SYTL4: variants seen among roughly 807,000 people sequenced by gnomAD.
SYTL4 encodes synaptotagmin like 4.
In SYTL4, 16 loss-of-function variants were observed where a neutral mutation model predicts 52.7. The ratio of observed to expected loss-of-function variants is 0.30; its 90% CI spans 0.21 to 0.46. The LOEUF (loss-of-function observed/expected upper bound fraction) is 0.46. Among genes scored for constraint, SYTL4 ranks in the 20% least tolerant of loss-of-function variants. SYTL4 has a pLI of 1.00. For missense variants in SYTL4, 423 were observed against 519.9 expected, an observed-to-expected ratio of 0.81 and a Z score of 1.81; for synonymous variants, 160 against 186.6, an observed-to-expected ratio of 0.86 and a Z score of 1.16.
chrX:100,691,295 T>C, intron 8 of SYTL4, 86 bp from the exon 9 acceptor site: 1 of 591,732 alleles, frequency 1.7e-6, no homozygotes, highest in Admixed American at 2.9e-5. Flanking sequence ...TTCACAATCG[T>C]AGCCTGAGTG....
chrX:100,676,517 G>A (rs1392433283), intron 19 of SYTL4, among the ~76,000 whole-genome samples: 1 of 111,533 alleles, frequency 9.0e-6, no homozygotes, highest in African/African-American at 3.3e-5. Context: ...ACGGAGCCTC[G>A]CTCTGTCGCC....
rs1238835954 is a variant in SYTL4 at position 100,685,759 on chromosome X, A to G, written c.1449+231T>C. 7 of 335,706 alleles carry G rather than the reference A, an allele frequency of 2.1e-5. No homozygotes were observed. In the Admixed American group the frequency reaches 2.6e-4, roughly 12 times the overall value. 27.7% of individuals were successfully genotyped at this position (335,706 alleles called of 1,213,427 possible). A position where few individuals can be genotyped will look rare whatever the true frequency, so the allele number is the denominator to read the frequency against. The stretch of plus-strand genomic sequence containing the variant: ...GGAGACAAAGTTTGGTACACATATG[A>G]AAATTTTTTCAAAGCAAAACCATGG... On this transcript the variant is annotated intron_variant, in intron 16 of 19. Transcript: ENST00000372989.
At chrX:100,728,214 T>A (rs1268455962) in intron 2 of SYTL4, among the ~76,000 whole-genome samples, 2 of 112,160 alleles carry the variant, frequency 1.8e-5, no homozygotes, top group African/African-American at 6.5e-5. Context: ...TTCAAATAAG[T>A]TAACATATAT....
At chrX:100,714,048 T>C (rs1232666224) in intron 2 of SYTL4, among the ~76,000 whole-genome samples, 2 of 111,205 alleles carry the variant, frequency 1.8e-5, no homozygotes, top group Non-Finnish European at 3.8e-5. Flanking sequence ...TTAATTCTGG[T>C]GATAGTTTCA....
At chrX:100,693,064 G>C (rs12008218) in intron 8 of SYTL4, among the ~76,000 whole-genome samples, 2 of 111,122 alleles carry the variant, frequency 1.8e-5, no homozygotes, top group African/African-American at 6.6e-5. Flanking sequence ...TGAGTAGCTG[G>C]GATTACAGGT....
Position 100,678,242 on chromosome X carries a change from C to A in SYTL4, c.1867+149G>T, listed in dbSNP as rs757716212. 30 of 460,182 alleles carry A rather than the reference C, an allele frequency of 6.5e-5. No homozygotes were observed. In the South Asian group the frequency reaches 9.6e-4, roughly 15 times the overall value. 37.9% of individuals were successfully genotyped at this position (460,182 alleles called of 1,213,427 possible). ...TCCCCTAGTCCTGGCACATAGTAGGCACTCAATAAGTATTGGCTGAATGTT... is the reference window on the plus strand; with the variant it reads ...TCCCCTAGTCCTGGCACATAGTAGGAACTCAATAAGTATTGGCTGAATGTT... On this transcript the variant is annotated intron_variant, in intron 19 of 19. Coordinates refer to ENST00000372989, the MANE Select transcript of SYTL4 (RefSeq NM_001370165.1).
chrX:100,686,862 T>G (rs2083483036), intron 14 of SYTL4, 81 bp from the exon 15 acceptor site: 1 of 898,230 alleles, frequency 1.1e-6, no homozygotes, highest in Admixed American at 2.5e-5. Flanking sequence ...CATATAGATA[T>G]GCCATGGTGA....
chrX:100,693,085 A>G (rs2083633495), intron 8 of SYTL4, among the ~76,000 whole-genome samples: 1 of 111,309 alleles, frequency 9.0e-6, no homozygotes, highest in African/African-American at 3.3e-5. Context: ...TTGTGCCACC[A>G]TGGCTGGCTA....
intron 2 of SYTL4, among the ~76,000 whole-genome samples, chrX:100,731,053 T>C (rs981920420): frequency 1.8e-5 from 2 of 111,460 alleles, no homozygotes; most frequent in Admixed American, 9.5e-5. Flanking sequence ...TACTCTGGAA[T>C]TTTACGTCCT....
At chrX:100,723,184 G>A (rs2084376616) in intron 2 of SYTL4, among the ~76,000 whole-genome samples, 1 of 112,481 alleles carries the variant, frequency 8.9e-6, no homozygotes, top group Non-Finnish European at 1.9e-5. Context: ...AAGCTGGACT[G>A]TACTGCTGCC....
rs2083251961 is a variant in SYTL4, at chrX:100,674,830, C to T, written c.*1198G>A. On this transcript the variant is annotated 3_prime_UTR_variant, in exon 20 of 20. Transcript: ENST00000372989. ...GATCAATGAGTACCAGAAGATGAAA[C>T]TTAGCTCACTAGACCCTTCTTTGAA... The T allele has an allele frequency of 8.9e-6, 1 of 111,858 alleles. No homozygotes were observed. The allele number at this position is 111,858 out of a possible 1,213,427, so 9.2% of individuals were successfully genotyped here.
intron 8 of SYTL4, 37 bp downstream of exon 8, chrX:100,700,860 T>G: frequency 1.0e-6 from 1 of 984,090 alleles, no homozygotes; most frequent in Non-Finnish European, 1.4e-6. Context: ...TAAAGGGATA[T>G]TGTAAGCATT....
At chrX:100,715,429 A>T (rs2084181833) in intron 2 of SYTL4, among the ~76,000 whole-genome samples, 1 of 111,864 alleles carries the variant, frequency 8.9e-6, no homozygotes, top group Non-Finnish European at 1.9e-5. Context: ...GAGTAATCAA[A>T]AAAGCTAGGA....
intron 2 of SYTL4, among the ~76,000 whole-genome samples, chrX:100,714,556 G>C (rs2084160568): frequency 9.6e-6 from 1 of 104,322 alleles, no homozygotes; most frequent in Non-Finnish European, 1.9e-5. Flanking sequence ...ACCGTGCCTG[G>C]CCAAGGTTTT....
At chrX:100,731,776 C>A (rs1258996256) in intron 1 of SYTL4, among the ~76,000 whole-genome samples, 1 of 111,849 alleles carries the variant, frequency 8.9e-6, no homozygotes, top group Non-Finnish European at 1.9e-5. Flanking sequence ...GAGGGACCGC[C>A]CAAGCAGACG....
chrX:100,697,743 T>C (rs747366390), intron 8 of SYTL4, among the ~76,000 whole-genome samples: 12 of 110,931 alleles, frequency 1.1e-4, no homozygotes, highest in Non-Finnish European at 2.1e-4. Context: ...AATAATTAAA[T>C]TAGAAGCAGC....
chrX:100,723,933 C>T (rs965754693), intron 2 of SYTL4, among the ~76,000 whole-genome samples: 2 of 101,272 alleles, frequency 2.0e-5, no homozygotes, highest in Non-Finnish European at 4.0e-5. Flanking sequence ...GGTCAGCCCC[C>T]GCCAGGCCAG....
Position 100,686,503 on chromosome X carries a change from GA to G in SYTL4, c.1287+175del, listed in dbSNP as rs1278400827. 4 of 413,642 alleles carry G rather than the reference GA, an allele frequency of 9.7e-6. No individual in the cohort carries two copies. The East Asian group carries it at 1.2e-4, about 12-fold the overall frequency. 34.1% of individuals were successfully genotyped at this position (413,642 alleles called of 1,213,427 possible). ...ACTTCACATCAATCCAGGAAAGGCA[GA>G]TCACCTTTGTTCTCTTCACTGGGAG... On this transcript the variant is annotated intron_variant, in intron 15 of 19. Transcript: ENST00000372989.
intron 8 of SYTL4, among the ~76,000 whole-genome samples, chrX:100,697,131 A>G (rs1294391535): frequency 1.8e-5 from 2 of 112,062 alleles, no homozygotes; most frequent in African/African-American, 6.5e-5. Flanking sequence ...TAGAACCTCA[A>G]CAGAGACAGA....
Sources: gnomAD v4.1 joint callset for allele counts (sites outside exome capture counted in the v4.1 genomes callset) on GRCh38, gnomAD v4.1.1 for gene constraint, MANE v1.5 for transcripts, NCBI Gene and HGNC (gene_info 2026-07-23, HGNC 2026-07-21) for gene names.